The following PHF21A variants were observed in gnomAD, a reference collection of about 807,000 sequenced individuals.
PHF21A encodes the protein PHD finger protein 21A.
PHF21A carries 11 observed loss-of-function variants against 82.5 expected under a neutral mutation model. The observed-to-expected ratio is 0.13, with a 90% CI of 0.08 to 0.22. The LOEUF is 0.22. Ranked by LOEUF, PHF21A falls within the 10% of genes least tolerant of loss-of-function variation. PHF21A has a pLI of 1.00. For missense variants in PHF21A, 579 were observed against 837.8 expected, an observed-to-expected ratio of 0.69 and a Z score of 3.81; for synonymous variants, 297 against 302.8, an observed-to-expected ratio of 0.98 and a Z score of 0.20.
intron 6 of PHF21A, among the ~76,000 whole-genome samples, chr11:45,986,311 G>A (rs957127972): frequency 6.6e-6 from 1 of 151,974 alleles, no homozygotes; most frequent in African/African-American, 2.4e-5. Context: ...CCCCTAACTT[G>A]ATATGTATGA....
At chr11:45,943,421 C>A (rs2090749918) in intron 15 of PHF21A, among the ~76,000 whole-genome samples, 1 of 152,072 alleles carries the variant, frequency 6.6e-6, no homozygotes, top group Non-Finnish European at 1.5e-5. Flanking sequence ...CTCAAGCAAT[C>A]CACCCACCTC....
At chr11:45,974,618 T>TA (rs1641293457) in intron 7 of PHF21A, among the ~76,000 whole-genome samples, 1 of 100,464 alleles carries the variant, frequency 1.0e-5, no homozygotes, top group Non-Finnish European at 2.7e-5. Flanking sequence ...CACACCTGGC[T>TA]AATTTTTTTT....
intron 6 of PHF21A, among the ~76,000 whole-genome samples, chr11:46,038,696 AG>A (rs2096066042): frequency 6.6e-6 from 1 of 152,188 alleles, no homozygotes; most frequent in African/African-American, 2.4e-5. Context: ...AAGGCAGCAC[AG>A]GGTATCACAT....
intron 1 of PHF21A, among the ~76,000 whole-genome samples, chr11:46,099,551 C>CACACACACAT (rs2097059490): frequency 6.6e-6 from 1 of 151,340 alleles, no homozygotes; most frequent in South Asian, 2.1e-4. Flanking sequence ...CACACACACA[C>CACACACACAT]ACACACACAC....
intron 6 of PHF21A, among the ~76,000 whole-genome samples, chr11:46,019,072 G>A (rs2095577418): frequency 1.3e-5 from 2 of 151,622 alleles, no homozygotes; most frequent in East Asian, 3.9e-4. Context: ...CATTCTGGAA[G>A]CCTAATCTAA....
chr11:45,989,335 T>C (rs2094596191), intron 6 of PHF21A, among the ~76,000 whole-genome samples: 1 of 151,996 alleles, frequency 6.6e-6, no homozygotes, highest in Non-Finnish European at 1.5e-5. Flanking sequence ...GATCTCTTAA[T>C]GAATAAAACA....
chr11:46,010,996 A>C (rs1307091653), intron 6 of PHF21A, among the ~76,000 whole-genome samples: 4 of 151,742 alleles, frequency 2.6e-5, no homozygotes, highest in South Asian at 2.1e-4. Context: ...ACACACACAC[A>C]CCCCTCTCAA....
chr11:46,005,865 C>CT (rs997467980), intron 6 of PHF21A, among the ~76,000 whole-genome samples: 3 of 152,068 alleles, frequency 2.0e-5, no homozygotes, highest in Non-Finnish European at 4.4e-5. Flanking sequence ...TGTGGAAATG[C>CT]TTTTTTTGCA....
intron 1 of PHF21A, among the ~76,000 whole-genome samples, chr11:46,099,802 C>T (rs2097066041): frequency 6.6e-6 from 1 of 152,144 alleles, no homozygotes; most frequent in Non-Finnish European, 1.5e-5. Flanking sequence ...TTAAGATTTT[C>T]CCTGTTTCCA....
rs535566316 is a variant in PHF21A, at chr11:46,043,943, T to G, written c.153+32811A>C. On this transcript the variant is annotated intron_variant, in intron 6 of 18. Coordinates refer to ENST00000676320, the MANE Select transcript of PHF21A (RefSeq NM_001352027.3). ...CAACTGCTTTAAATTATATACTTAA[T>G]GATTTATATCAAGCACAGAATTTAA... 5.3e-5 allele frequency among the ~76,000 whole-genome samples: 8 copies of G among 152,324 alleles called. No homozygotes were observed. The East Asian group carries it at 1.5e-3, about 29-fold the overall frequency.
chr11:45,997,421 C>T (rs927491038), intron 6 of PHF21A, among the ~76,000 whole-genome samples: 1 of 152,076 alleles, frequency 6.6e-6, no homozygotes, highest in Non-Finnish European at 1.5e-5. Flanking sequence ...TCTTGCTGCA[C>T]GTTACATACT....
At chr11:46,015,743 T>C (rs2095503570) in intron 6 of PHF21A, among the ~76,000 whole-genome samples, 1 of 152,194 alleles carries the variant, frequency 6.6e-6, no homozygotes. Context: ...GTCACAATCA[T>C]CAATATTACT....
chr11:46,071,249 A>G (rs770664720), intron 6 of PHF21A, among the ~76,000 whole-genome samples: 62 of 152,232 alleles, frequency 4.1e-4, no homozygotes, highest in Non-Finnish European at 7.3e-4. Flanking sequence ...GTAAACTACA[A>G]AATGAATACG....
intron 6 of PHF21A, among the ~76,000 whole-genome samples, chr11:46,047,481 G>A (rs185302170): frequency 3.9e-5 from 6 of 152,080 alleles, no homozygotes; most frequent in East Asian, 3.9e-4. Context: ...TAAAGAAACC[G>A]AGACAAAAAG....
At chr11:45,936,414 T>A (rs1020168647) in intron 17 of PHF21A, 80 bp downstream of exon 17, 8 of 827,664 alleles carry the variant, frequency 9.7e-6, no homozygotes, top group Non-Finnish European at 1.4e-5. Flanking sequence ...AATTCCCTTT[T>A]GAGAATAAAA....
intron 9 of PHF21A, among the ~76,000 whole-genome samples, chr11:45,968,443 C>T (rs118044321): frequency 1.8e-3 from 279 of 152,342 alleles, no homozygotes; most frequent in Non-Finnish European, 2.6e-3. Context: ...TCAGCCACAG[C>T]AAACCTCCTT....
rs1565211966 is a variant in PHF21A, at chr11:45,950,208, T to G, written c.1145A>C (p.Glu382Ala). ...SLGLVTHDHLEEIQSKRQERK... is the reference protein window; with the variant it reads ...SLGLVTHDHLAEIQSKRQERK... ...GTGCCAAGAATATCTTCTCTTACCT[T>G]CTAGATGGTCATGTGTTACCAACCC... Residue 382 changes from glutamate (E) to alanine (A), a missense_variant and splice_region_variant, in exon 12 of 19, where the codon GAA becomes GCA. This residue lies in a region of PHF21A where 410 missense variants were observed against 642.1 expected (regional missense o/e 0.64). Coordinates refer to ENST00000676320, the MANE Select transcript of PHF21A (RefSeq NM_001352027.3). 1.9e-6 allele frequency: 3 copies of G among 1,604,768 alleles called. No individual in the cohort carries two copies. The highest frequency in any genetic ancestry group is 2.6e-6 in the Non-Finnish European group (3 of 1,174,460).
At chr11:46,084,093 C>G in intron 4 of PHF21A, 73 bp downstream of exon 4, 2 of 1,076,506 alleles carry the variant, frequency 1.9e-6, no homozygotes, top group Non-Finnish European at 1.4e-6. Flanking sequence ...TACTAAACAC[C>G]AGAGATGGAC....
chr11:46,058,709 C>T (rs2096493034), intron 6 of PHF21A, among the ~76,000 whole-genome samples: 1 of 152,178 alleles, frequency 6.6e-6, no homozygotes, highest in Non-Finnish European at 1.5e-5. Context: ...CTGACAGGGG[C>T]TCTCTGATCT....
Sources: allele counts gnomAD v4.1 joint callset (sites outside exome capture counted in the v4.1 genomes callset), GRCh38; gene constraint gnomAD v4.1.1; regional missense constraint gnomAD v4.1.1; transcripts MANE v1.5; gene names NCBI Gene and HGNC (gene_info 2026-07-23, HGNC 2026-07-21).